DENND4C: variants seen among roughly 807,000 people sequenced by gnomAD.
DENND4C encodes the protein DENN domain-containing protein 4C.
DENND4C carries 108 observed loss-of-function variants against 203.0 expected under a neutral mutation model. The ratio of observed to expected loss-of-function variants is 0.53; its 90% CI spans 0.46 to 0.62. The LOEUF is 0.62. DENND4C is among the 20% of genes least tolerant of loss of function. DENND4C has a pLI of 0.00. For synonymous variants in DENND4C, 871 were observed against 792.4 expected (o/e 1.10, Z -1.67); for missense variants, 2,481 against 2,301.2 (o/e 1.08, Z -1.60).
At chr9:19,352,335 A>AT (rs1483852581) in intron 25 of DENND4C, among the ~76,000 whole-genome samples, 153 bp downstream of exon 25, 2 of 152,262 alleles carry the variant, frequency 1.3e-5, no homozygotes, top group Non-Finnish European at 2.9e-5. Context: ...TAAGTAAGAC[A>AT]TTGAACTGGT....
At chr9:19,272,315 G>T (rs1025680627) in intron 1 of DENND4C, among the ~76,000 whole-genome samples, 3 of 151,872 alleles carry the variant, frequency 2.0e-5, no homozygotes, top group African/African-American at 4.8e-5. Flanking sequence ...AGCTACTCAG[G>T]AGGCTGAGGC....
At chr9:19,269,512 G>A (rs1024078208) in intron 1 of DENND4C, among the ~76,000 whole-genome samples, 2 of 152,178 alleles carry the variant, frequency 1.3e-5, no homozygotes, top group African/African-American at 4.8e-5. Flanking sequence ...TCTTTATTCT[G>A]CTAAATCAAT....
At chr9:19,271,259 G>T (rs1412978143) in intron 1 of DENND4C, among the ~76,000 whole-genome samples, 3 of 150,036 alleles carry the variant, frequency 2.0e-5, no homozygotes, top group Non-Finnish European at 4.4e-5. Flanking sequence ...GAATGCAGTG[G>T]CGCAATCCTG....
intron 12 of DENND4C, among the ~76,000 whole-genome samples, chr9:19,317,102 CAGTT>C (rs1841985520): frequency 6.6e-6 from 1 of 151,478 alleles, no homozygotes. Flanking sequence ...ATCTTGTAGT[CAGTT>C]ATTTTAGTAG....
chr9:19,350,833 C>T lies in DENND4C; in HGVS notation c.4449C>T (p.Gly1483=). ...SELTQSNTSL[G]SSSSSGDVGK... is the part of the protein sequence containing the mutation. ...TTACCCAGAGCAACACAAGTCTTGG[C>T]AGTAGCAGCAGTAGTGGAGATGTAG... Residue 1483 remains glycine, a synonymous_variant, in exon 24 of 33, where the codon GGC becomes GGT. Coordinates refer to ENST00000434457, the MANE Select transcript of DENND4C (RefSeq NM_001330640.2). 1 of 1,613,784 alleles carries T rather than the reference C, an allele frequency of 6.2e-7. No individual in the cohort carries two copies. Among genetic ancestry groups the T allele is most frequent in the Non-Finnish European group, 8.5e-7 (1 of 1,179,916 alleles).
chr9:19,310,527 C>T (rs1392976959), intron 10 of DENND4C, among the ~76,000 whole-genome samples: 1 of 152,146 alleles, frequency 6.6e-6, no homozygotes, highest in Non-Finnish European at 1.5e-5. Context: ...GTCCTTAAAG[C>T]CTAAAATATT....
chr9:19,356,792 A>T (rs867520832), intron 26 of DENND4C, among the ~76,000 whole-genome samples, 180 bp from the exon 27 acceptor site: 175 of 145,630 alleles, frequency 1.2e-3, no homozygotes, highest in East Asian at 8.7e-3. Flanking sequence ...TGTGTGTGAG[A>T]GAGAGAGAGA....
At chr9:19,293,314 T>TA in intron 5 of DENND4C, among the ~76,000 whole-genome samples, 2 of 152,310 alleles carry the variant, frequency 1.3e-5, no homozygotes, top group South Asian at 2.1e-4. Context: ...CATTGCTTGT[T>TA]AAAAACTTTG....
intron 10 of DENND4C, among the ~76,000 whole-genome samples, chr9:19,310,171 A>G (rs1030935970): frequency 6.6e-6 from 1 of 152,162 alleles, no homozygotes; most frequent in African/African-American, 2.4e-5. Flanking sequence ...TTTGTATATT[A>G]TCTTCAATTT....
chr9:19,294,861 C>G (rs993901829), intron 5 of DENND4C, among the ~76,000 whole-genome samples: 4 of 151,994 alleles, frequency 2.6e-5, no homozygotes, highest in Admixed American at 6.6e-5. Context: ...ATAGAAAGTA[C>G]AATAGAGATT....
intron 1 of DENND4C, among the ~76,000 whole-genome samples, chr9:19,236,612 G>A (rs559760743): frequency 2.0e-5 from 3 of 152,214 alleles, no homozygotes; most frequent in Non-Finnish European, 4.4e-5. Flanking sequence ...AGAGCAGTTT[G>A]AGTGAGACCG....
chr9:19,266,937 A>G, intron 1 of DENND4C, among the ~76,000 whole-genome samples: 1 of 152,108 alleles, frequency 6.6e-6, no homozygotes, highest in East Asian at 1.9e-4. Flanking sequence ...CATGACTAAA[A>G]CTGATTTCTT....
At chr9:19,280,784 A>G (rs1298129017) in intron 2 of DENND4C, among the ~76,000 whole-genome samples, 21 of 152,028 alleles carry the variant, frequency 1.4e-4, no homozygotes, top group Admixed American at 1.4e-3. Context: ...GTGGTTGCTC[A>G]GGCTGCAGTG....
chr9:19,304,474 G>A (rs1028653236), intron 9 of DENND4C, among the ~76,000 whole-genome samples: 2 of 151,548 alleles, frequency 1.3e-5, no homozygotes, highest in East Asian at 1.9e-4. Flanking sequence ...GTGAGCCACC[G>A]TGCCCAGCCA....
Position 19,298,119 on chromosome 9 carries a change from C to T in DENND4C, c.1104C>T (p.Val368=). 1.9e-6 allele frequency: 3 copies of T among 1,608,062 alleles called. No homozygotes were observed. Among genetic ancestry groups the T allele is most frequent in the South Asian group, 1.1e-5 (1 of 89,498 alleles). Residue 368 remains valine, a synonymous_variant, in exon 7 of 33, where the codon GTC becomes GTT. Coordinates refer to ENST00000434457, the MANE Select transcript of DENND4C (RefSeq NM_001330640.2). ...CACCACAAAGACCGAGAATCCTTGT[C>T]CAGGTAATCAAAAGAGAGTATATTT... ...FPSPQRPRIL[V]QLSVHDALIL...
At position 19,352,194 on chromosome 9, in the gene DENND4C, A is replaced by G. The variant is rs773668072; in HGVS notation, c.4605+12A>G. 16 of 1,603,042 alleles carry G rather than the reference A, an allele frequency of 1.0e-5. No individual in the cohort carries two copies. Among genetic ancestry groups the G allele is most frequent in the South Asian group, 5.5e-5 (5 of 90,572 alleles). On this transcript the variant is annotated intron_variant, in intron 25 of 32. Coordinates refer to ENST00000434457, the MANE Select transcript of DENND4C (RefSeq NM_001330640.2). ...ATTGTGCAATGGAGGTAAAAGTTCT[A>G]TATTCAGTTCATGATAAAGTAGCTG... is the stretch of plus-strand genomic sequence containing the variant.
In DENND4C at chr9:19,268,391, C is replaced by T. The variant is rs191895577; in HGVS notation, c.-17-7767C>T. Among the ~76,000 whole-genome samples, 8 of 152,284 alleles carry T rather than the reference C, an allele frequency of 5.3e-5. No individual in the cohort carries two copies. In the East Asian group the frequency reaches 9.7e-4, roughly 18 times the overall value. On this transcript the variant is annotated intron_variant, in intron 1 of 32. Coordinates refer to ENST00000434457, the MANE Select transcript of DENND4C (RefSeq NM_001330640.2). Reference sequence around the variant, plus strand: ...CTGGGAATACAGGCGTGAGCCACCGCACCTGGTTGTAGTTATTATTTTTGA... The same window carrying T: ...CTGGGAATACAGGCGTGAGCCACCGTACCTGGTTGTAGTTATTATTTTTGA...
At chr9:19,362,048 C>A in intron 30 of DENND4C, 85 bp downstream of exon 30, 1 of 738,970 alleles carries the variant, frequency 1.4e-6, no homozygotes, top group Non-Finnish European at 2.2e-6. Context: ...CCTAGGCTGG[C>A]GGACCACTTG....
At chr9:19,368,425 G>A (rs1474573404) in intron 30 of DENND4C, among the ~76,000 whole-genome samples, 1 of 151,922 alleles carries the variant, frequency 6.6e-6, no homozygotes, top group East Asian at 1.9e-4. Context: ...CACTACACCC[G>A]GCCGAATTAC....
Sources: allele counts gnomAD v4.1 joint callset (sites outside exome capture counted in the v4.1 genomes callset), GRCh38; gene constraint gnomAD v4.1.1; transcripts MANE v1.5; gene names NCBI Gene and HGNC (gene_info 2026-07-23, HGNC 2026-07-21).